Variants in BCKDHB observed in about 807,000 individuals in gnomAD.
BCKDHB encodes the protein 2-oxoisovalerate dehydrogenase subunit beta, mitochondrial.
In BCKDHB, 41 loss-of-function variants were observed where a neutral mutation model predicts 48.5. That is an observed-to-expected ratio of 0.85 (90% CI 0.66 to 1.10). The LOEUF (loss-of-function observed/expected upper bound fraction) is 1.10. BCKDHB is among the 50% of genes least tolerant of loss of function. The pLI is 0.00. For synonymous variants in BCKDHB, 201 were observed against 174.8 expected (o/e 1.15, Z -1.18); for missense variants, 496 against 494.2 (o/e 1.00, Z -0.03).
At chr6:80,278,910 G>T (rs1429344505) in intron 9 of BCKDHB, among the ~76,000 whole-genome samples, 1 of 152,034 alleles carries the variant, frequency 6.6e-6, no homozygotes, top group Non-Finnish European at 1.5e-5. Context: ...GGTTTGACCT[G>T]TTGAGCTTTA....
chr6:80,387,101 C>A, the BCKDHB span, among the ~76,000 whole-genome samples: 556 of 152,206 alleles, frequency 3.7e-3, 6 homozygotes, highest in African/African-American at 0.012. Context: ...TCCAGGGGAC[C>A]CAAAACCTCA....
intron 3 of BCKDHB, among the ~76,000 whole-genome samples, chr6:80,141,585 AC>A (rs1771215694): frequency 6.6e-6 from 1 of 152,100 alleles, no homozygotes; most frequent in Non-Finnish European, 1.5e-5. Flanking sequence ...ATCTTATTTG[AC>A]AATGGCATGC....
At chr6:80,253,352 G>T (rs1776910469) in intron 8 of BCKDHB, among the ~76,000 whole-genome samples, 1 of 152,188 alleles carries the variant, frequency 6.6e-6, no homozygotes. Context: ...AGAGAGGAAG[G>T]TTGCAGGAAG....
intron 9 of BCKDHB, among the ~76,000 whole-genome samples, chr6:80,339,413 A>G (rs1187515818): frequency 6.6e-6 from 1 of 152,224 alleles, no homozygotes; most frequent in Non-Finnish European, 1.5e-5. Flanking sequence ...CAAAAATGAA[A>G]CAAGACAAAA....
chr6:80,281,336 A>G (rs952294571), intron 9 of BCKDHB, among the ~76,000 whole-genome samples: 2 of 152,186 alleles, frequency 1.3e-5, no homozygotes, highest in Non-Finnish European at 2.9e-5. Context: ...GTGGCTTCAG[A>G]AAAGGAAGGG....
intron 6 of BCKDHB, among the ~76,000 whole-genome samples, chr6:80,172,368 C>T (rs1272366542): frequency 5.3e-5 from 8 of 151,960 alleles, no homozygotes; most frequent in Admixed American, 5.2e-4. Flanking sequence ...TAATATCTTA[C>T]AACTGTACAA....
the BCKDHB span, among the ~76,000 whole-genome samples, chr6:80,420,734 G>A: frequency 2.6e-5 from 4 of 152,150 alleles, no homozygotes; most frequent in Admixed American, 1.3e-4. Flanking sequence ...TGCTTTCAGT[G>A]GTCCCAGACT....
intron 1 of BCKDHB, among the ~76,000 whole-genome samples, chr6:80,122,944 C>A (rs1275273721): frequency 6.6e-6 from 1 of 151,958 alleles, no homozygotes; most frequent in Non-Finnish European, 1.5e-5. Context: ...GCTCCCAGAG[C>A]GGATGTTTAT....
At chr6:80,457,572 A>G in the BCKDHB span, among the ~76,000 whole-genome samples, 1 of 152,204 alleles carries the variant, frequency 6.6e-6, no homozygotes, top group East Asian at 1.9e-4. Context: ...CTATTGGCTC[A>G]CTCATTCTCT....
chr6:80,323,220 GCTGT>G (rs1447178729), intron 9 of BCKDHB, among the ~76,000 whole-genome samples: 6 of 152,034 alleles, frequency 3.9e-5, no homozygotes, highest in Non-Finnish European at 5.9e-5. Flanking sequence ...ATAGGTGTTA[GCTGT>G]CTGTTTGTAA....
intron 3 of BCKDHB, among the ~76,000 whole-genome samples, chr6:80,166,480 A>G (rs1380526953): frequency 1.3e-5 from 2 of 152,032 alleles, no homozygotes; most frequent in Non-Finnish European, 2.9e-5. Context: ...ACATGGTGAA[A>G]CCCCGTCTTT....
At chr6:80,408,466 G>T in the BCKDHB span, among the ~76,000 whole-genome samples, 240 of 152,174 alleles carry the variant, frequency 1.6e-3, no homozygotes, top group Middle Eastern at 3.4e-3. Flanking sequence ...GTAGAATTCG[G>T]CTGTGAATCT....
At chr6:80,196,289 T>A (rs1774124702) in intron 6 of BCKDHB, among the ~76,000 whole-genome samples, 1 of 152,180 alleles carries the variant, frequency 6.6e-6, no homozygotes, top group Non-Finnish European at 1.5e-5. Context: ...AAACATGGTT[T>A]CACGCTTGTG....
the BCKDHB span, among the ~76,000 whole-genome samples, chr6:80,396,285 A>G: frequency 6.6e-6 from 1 of 152,224 alleles, no homozygotes; most frequent in Non-Finnish European, 1.5e-5. Context: ...CTGCAAAGCC[A>G]CAGGGCTGGC....
chr6:80,339,090 G>A (rs148422694), intron 9 of BCKDHB, among the ~76,000 whole-genome samples: 29 of 152,278 alleles, frequency 1.9e-4, no homozygotes, highest in African/African-American at 6.3e-4. Flanking sequence ...CAGTGACACT[G>A]TGACAAGGAG....
the BCKDHB span, among the ~76,000 whole-genome samples, chr6:80,368,284 A>G: frequency 6.6e-6 from 1 of 152,188 alleles, no homozygotes; most frequent in Admixed American, 6.5e-5. Context: ...CAGTTAGCCA[A>G]AAATCTCAGT....
chr6:80,120,704 GGTTT>G (rs1464119023), intron 1 of BCKDHB, among the ~76,000 whole-genome samples: 9 of 152,128 alleles, frequency 5.9e-5, no homozygotes, highest in South Asian at 2.1e-4. Flanking sequence ...CTTTTTGATG[GGTTT>G]GTTTGTCTTT....
At chr6:80,239,606 A>G (rs1776295139) in intron 8 of BCKDHB, among the ~76,000 whole-genome samples, 2 of 152,138 alleles carry the variant, frequency 1.3e-5, no homozygotes, top group Admixed American at 6.6e-5. Context: ...CTTTAGTTTA[A>G]TTAGATCCCA....
intron 9 of BCKDHB, among the ~76,000 whole-genome samples, chr6:80,279,343 CAG>C (rs545618691): frequency 2.0e-5 from 3 of 151,828 alleles, no homozygotes; most frequent in African/African-American, 4.8e-5. Flanking sequence ...CTAGTAGAGA[CAG>C]GGGTTTCACC....
Sources: gnomAD v4.1 joint callset for allele counts (sites outside exome capture counted in the v4.1 genomes callset) on GRCh38, gnomAD v4.1.1 for gene constraint, MANE v1.5 for transcripts, NCBI Gene and HGNC (gene_info 2026-07-23, HGNC 2026-07-21) for gene names.